SYN3: variants seen among roughly 807,000 people sequenced by gnomAD.
SYN3 encodes the protein synapsin III.
Under a neutral mutation model 65.8 loss-of-function variants are expected in SYN3, and 35 were observed. The observed-to-expected ratio is 0.53, with a 90% CI of 0.41 to 0.70. SYN3 has a LOEUF of 0.70. SYN3 is among the 30% of genes least tolerant of loss of function. SYN3 has a pLI of 0.00. For synonymous variants in SYN3, 270 were observed against 292.9 expected (o/e 0.92, Z 0.80); for missense variants, 680 against 749.0 (o/e 0.91, Z 1.08).
At chr22:33,026,143 A>G (rs535113184) in intron 1 of SYN3, among the ~76,000 whole-genome samples, 5 of 152,302 alleles carry the variant, frequency 3.3e-5, no homozygotes, top group Admixed American at 1.3e-4. Flanking sequence ...AGCAAAACAA[A>G]TCCCTTTCAT....
At chr22:33,035,274 A>AT (rs2053831706) in intron 1 of SYN3, among the ~76,000 whole-genome samples, 1 of 150,282 alleles carries the variant, frequency 6.7e-6, no homozygotes, top group African/African-American at 2.4e-5. Context: ...TTGTTCATAT[A>AT]TTAAACCAAT....
chr22:32,929,598 C>A (rs1304079708), intron 4 of SYN3, among the ~76,000 whole-genome samples: 1 of 152,132 alleles, frequency 6.6e-6, no homozygotes, highest in Non-Finnish European at 1.5e-5. Context: ...TCACCATAAA[C>A]CAAGTTCAAT....
intron 4 of SYN3, among the ~76,000 whole-genome samples, chr22:32,907,496 G>A (rs2049933910): frequency 6.6e-6 from 1 of 152,170 alleles, no homozygotes; most frequent in Non-Finnish European, 1.5e-5. Flanking sequence ...CTATGTGCCA[G>A]GAACTGCTCT....
intron 6 of SYN3, chr22:32,802,096 A>T: frequency 6.3e-7 from 1 of 1,581,292 alleles, no homozygotes; most frequent in Non-Finnish European, 8.6e-7. Context: ...AGCCACCCCC[A>T]GGACGCCTTC....
chr22:32,582,253 T>C (rs956452942), intron 7 of SYN3, among the ~76,000 whole-genome samples: 2 of 152,190 alleles, frequency 1.3e-5, no homozygotes, highest in Non-Finnish European at 2.9e-5. Context: ...CATCCCTTGG[T>C]CAAAACCAGT....
In SYN3 at chr22:32,511,382, C is replaced by T. The variant is rs2057689857; in HGVS notation, c.*2310G>A. The stretch of plus-strand genomic sequence containing the variant: ...TAGAAGAATGTGTCGACAATGATGC[C>T]TGCAAAGCAGCAGCTTCATGTGTCT... On this transcript the variant is annotated 3_prime_UTR_variant, in exon 14 of 14. Transcript: ENST00000358763. 6.6e-6 allele frequency among the ~76,000 whole-genome samples: 1 copy of T among 152,226 alleles called. No individual in the cohort carries two copies. Among genetic ancestry groups the T allele is most frequent in the Admixed American group, 6.5e-5 (1 of 15,286 alleles).
intron 3 of SYN3, among the ~76,000 whole-genome samples, chr22:32,956,581 A>G (rs923677943): frequency 6.6e-6 from 1 of 152,172 alleles, no homozygotes; most frequent in Non-Finnish European, 1.5e-5. Context: ...CATGTTTTCA[A>G]GGCTCATCTA....
chr22:32,988,005 A>G (rs992503057), intron 2 of SYN3, among the ~76,000 whole-genome samples: 3 of 151,866 alleles, frequency 2.0e-5, no homozygotes, highest in Non-Finnish European at 4.4e-5. Context: ...TTGGTAGAAA[A>G]GGCTTCTTTG....
chr22:32,559,843 A>AG (rs1392349959), intron 7 of SYN3, among the ~76,000 whole-genome samples: 1 of 151,888 alleles, frequency 6.6e-6, no homozygotes, highest in East Asian at 1.9e-4. Context: ...AAAAAAAAAA[A>AG]AAAAGAAAAA....
At chr22:32,548,673 AAAATATTTAT>A (rs1050091789) in intron 7 of SYN3, among the ~76,000 whole-genome samples, 5 of 152,270 alleles carry the variant, frequency 3.3e-5, no homozygotes, top group African/African-American at 1.2e-4. Flanking sequence ...TGCCTGGCCT[AAAATATTTAT>A]ATTTTTATGC....
intron 7 of SYN3, among the ~76,000 whole-genome samples, chr22:32,586,740 G>T (rs2059049347): frequency 6.6e-6 from 1 of 152,126 alleles, no homozygotes; most frequent in African/African-American, 2.4e-5. Flanking sequence ...GGGCTACAAA[G>T]GAATTTTTGC....
At chr22:32,583,167 C>G (rs1483197908) in intron 7 of SYN3, 1 of 152,314 alleles carries the variant, frequency 6.6e-6, no homozygotes, top group African/African-American at 2.4e-5. Context: ...CCCCTACCCC[C>G]AACACATGGA....
chr22:32,774,267 A>C (rs1474516971), intron 6 of SYN3, among the ~76,000 whole-genome samples: 2 of 152,160 alleles, frequency 1.3e-5, no homozygotes, highest in Admixed American at 1.3e-4. Flanking sequence ...AATGTAATCA[A>C]GTTAGAATGA....
At chr22:33,042,050 T>C (rs111679421) in intron 1 of SYN3, among the ~76,000 whole-genome samples, 76 of 152,246 alleles carry the variant, frequency 5.0e-4, no homozygotes, top group Middle Eastern at 3.4e-3. Context: ...TGGAAGCTGA[T>C]TAGGTCACAA....
chr22:32,614,283 G>A (rs2059485145), intron 6 of SYN3, among the ~76,000 whole-genome samples: 1 of 152,234 alleles, frequency 6.6e-6, no homozygotes. Context: ...GGCTACCGGT[G>A]TGCCATGTAT....
intron 6 of SYN3, among the ~76,000 whole-genome samples, chr22:32,764,475 GT>G (rs1396088379): frequency 1.3e-5 from 2 of 152,158 alleles, no homozygotes; most frequent in Non-Finnish European, 2.9e-5. Context: ...ACTGCTGCGG[GT>G]GCTGGAGGAA....
chr22:32,924,847 G>A (rs188927709), intron 4 of SYN3, among the ~76,000 whole-genome samples: 93 of 152,246 alleles, frequency 6.1e-4, no homozygotes, highest in African/African-American at 1.8e-3. Flanking sequence ...ATCCCAGCAC[G>A]TTAGGAGGCC....
At chr22:33,035,337 C>CT (rs202222840) in intron 1 of SYN3, among the ~76,000 whole-genome samples, 2 of 91,742 alleles carry the variant, frequency 2.2e-5, no homozygotes, top group African/African-American at 3.9e-5. Flanking sequence ...GGGACCCCCC[C>CT]CCCCCCCGCC....
At chr22:32,667,729 C>T (rs1314122903) in intron 6 of SYN3, among the ~76,000 whole-genome samples, 1 of 151,934 alleles carries the variant, frequency 6.6e-6, no homozygotes, top group Non-Finnish European at 1.5e-5. Context: ...AAAAGTCAGT[C>T]AGTCAAGGTC....
Sources: allele counts gnomAD v4.1 joint callset (sites outside exome capture counted in the v4.1 genomes callset), GRCh38; gene constraint gnomAD v4.1.1; transcripts MANE v1.5; gene names NCBI Gene and HGNC (gene_info 2026-07-23, HGNC 2026-07-21).